Variants in MYRIP observed in about 807,000 individuals in gnomAD.
The protein encoded by MYRIP is rab effector MyRIP.
MYRIP carries 49 observed loss-of-function variants against 98.0 expected under a neutral mutation model. The ratio of observed to expected loss-of-function variants is 0.50; its 90% CI spans 0.40 to 0.63. MYRIP has a LOEUF of 0.63. Ranked by LOEUF, MYRIP falls within the 30% of genes least tolerant of loss-of-function variation. The pLI, the probability that MYRIP is intolerant of heterozygous loss-of-function variation, is 0.00. For missense variants in MYRIP, 1,004 were observed against 1,058.2 expected, an observed-to-expected ratio of 0.95 and a Z score of 0.71; for synonymous variants, 404 against 409.5, an observed-to-expected ratio of 0.99 and a Z score of 0.16.
chr3:40,134,945 G>A (rs1296672060), intron 3 of MYRIP, among the ~76,000 whole-genome samples: 1 of 152,152 alleles, frequency 6.6e-6, no homozygotes, highest in East Asian at 1.9e-4. Flanking sequence ...AAACAGAGCA[G>A]AAAAACCAGA....
At chr3:40,251,841 A>G (rs909261557) in intron 15 of MYRIP, 40 bp from the exon 16 acceptor site, 25 of 1,386,972 alleles carry the variant, frequency 1.8e-5, no homozygotes, top group Non-Finnish European at 2.4e-5. Context: ...CAATCAGTCC[A>G]TCTTCTGGGT....
chr3:39,849,294 G>T (rs1269045416), intron 1 of MYRIP, among the ~76,000 whole-genome samples: 1 of 152,206 alleles, frequency 6.6e-6, no homozygotes, highest in East Asian at 1.9e-4. Context: ...TTCCCAGGAT[G>T]CTTTGGGTAG....
intron 2 of MYRIP, among the ~76,000 whole-genome samples, chr3:40,029,744 G>A (rs972175987): frequency 2.6e-5 from 4 of 151,994 alleles, no homozygotes; most frequent in African/African-American, 9.7e-5. Flanking sequence ...CAACACACCA[G>A]TAAAGGACAA....
intron 7 of MYRIP, among the ~76,000 whole-genome samples, chr3:40,169,746 T>G (rs1434088356): frequency 6.6e-6 from 1 of 152,218 alleles, no homozygotes; most frequent in Non-Finnish European, 1.5e-5. Context: ...ATAAAAGGAT[T>G]ATTTGTAAAC....
intron 2 of MYRIP, among the ~76,000 whole-genome samples, chr3:39,967,553 G>T (rs1192148806): frequency 6.6e-6 from 1 of 152,124 alleles, no homozygotes; most frequent in Non-Finnish European, 1.5e-5. Context: ...ATATTTGCAT[G>T]TATGTCTTTA....
intron 2 of MYRIP, among the ~76,000 whole-genome samples, chr3:39,951,523 A>G (rs1945015359): frequency 6.6e-6 from 1 of 152,188 alleles, no homozygotes; most frequent in Non-Finnish European, 1.5e-5. Context: ...GGAAGTACTC[A>G]ACTTTGTAGT....
intron 5 of MYRIP, among the ~76,000 whole-genome samples, chr3:40,164,006 A>G (rs1950452321): frequency 6.6e-6 from 1 of 151,798 alleles, no homozygotes; most frequent in South Asian, 2.1e-4. Context: ...CCTTGATCTC[A>G]TCCCAGAGTT....
chr3:40,186,739 T>G (rs1278485646), intron 9 of MYRIP, among the ~76,000 whole-genome samples: 4 of 152,122 alleles, frequency 2.6e-5, no homozygotes, highest in African/African-American at 9.7e-5. Context: ...AGGGCCAAGG[T>G]TTGGGGTGGG....
chr3:40,254,799 G>A (rs1168644437), intron 16 of MYRIP, among the ~76,000 whole-genome samples: 1 of 152,112 alleles, frequency 6.6e-6, no homozygotes, highest in Non-Finnish European at 1.5e-5. Context: ...AATGCTTGAT[G>A]CTGCTTACAT....
At chr3:40,220,905 C>A (rs1039283483) in intron 11 of MYRIP, among the ~76,000 whole-genome samples, 2 of 151,854 alleles carry the variant, frequency 1.3e-5, no homozygotes, top group South Asian at 4.2e-4. Flanking sequence ...TCTGCCCCCA[C>A]GATCCAATCA....
At chr3:39,859,670 T>A (rs1273770546) in intron 1 of MYRIP, among the ~76,000 whole-genome samples, 1 of 152,228 alleles carries the variant, frequency 6.6e-6, no homozygotes, top group Non-Finnish European at 1.5e-5. Flanking sequence ...ACACTATGGT[T>A]AAGCATGTCA....
At chr3:40,087,153 T>G (rs1208275821) in intron 3 of MYRIP, among the ~76,000 whole-genome samples, 1 of 151,892 alleles carries the variant, frequency 6.6e-6, no homozygotes, top group East Asian at 1.9e-4. Context: ...AGCAACCCAG[T>G]GTGGCTATCA....
intron 2 of MYRIP, among the ~76,000 whole-genome samples, chr3:39,940,903 G>T (rs1015410983): frequency 6.6e-6 from 1 of 152,138 alleles, no homozygotes. Context: ...AATAACCACT[G>T]TAAAACATTG....
chr3:39,855,702 A>G (rs1230857126), intron 1 of MYRIP, among the ~76,000 whole-genome samples: 1 of 152,046 alleles, frequency 6.6e-6, no homozygotes, highest in Non-Finnish European at 1.5e-5. Flanking sequence ...CCCCACTCAG[A>G]CCTTGTCCCG....
rs370758160 is a variant in MYRIP at position 40,149,600 on chromosome 3, G to T, written c.333-1448G>T. On this transcript the variant is annotated intron_variant, in intron 3 of 16. Coordinates refer to ENST00000302541, the MANE Select transcript of MYRIP (RefSeq NM_015460.4). ...AGACCAATTGCTCATTTGTTAGGGT[G>T]TAGGGATGGGGGACCAAGAGGCCTC... Among the ~76,000 whole-genome samples the T allele has an allele frequency of 1.4e-4, 21 of 152,264 alleles. 1 individual carries two copies. The highest frequency in any genetic ancestry group is 1.2e-3 in the Admixed American group (19 of 15,290).
chr3:40,092,287 G>T lies in MYRIP; in HGVS notation c.332+48016G>T, dbSNP rs564444135. On this transcript the variant is annotated intron_variant, in intron 3 of 16. Coordinates refer to ENST00000302541, the MANE Select transcript of MYRIP (RefSeq NM_015460.4). ...ATCAGCACCCTAAAGCCCCCAAGAT[G>T]TCTTCCTGGCTGTTTTGCATGCTTC... is the stretch of plus-strand genomic sequence containing the variant. Among the ~76,000 whole-genome samples the T allele has an allele frequency of 2.2e-4, 34 of 152,268 alleles. No individual in the cohort carries two copies. The South Asian group carries it at 5.6e-3, about 25-fold the overall frequency.
intron 1 of MYRIP, among the ~76,000 whole-genome samples, chr3:39,830,046 C>A (rs1941394059): frequency 6.6e-6 from 1 of 152,130 alleles, no homozygotes; most frequent in African/African-American, 2.4e-5. Flanking sequence ...CTCTGACAAC[C>A]AATCTTCAAT....
At chr3:40,247,246 T>A (rs189211057) in intron 13 of MYRIP, among the ~76,000 whole-genome samples, 148 of 152,312 alleles carry the variant, frequency 9.7e-4, no homozygotes, top group Middle Eastern at 3.4e-3. Flanking sequence ...AAATGTCCAT[T>A]TTCCATGTGT....
intron 12 of MYRIP, among the ~76,000 whole-genome samples, chr3:40,240,064 C>T (rs574395919): frequency 7.4e-6 from 1 of 134,904 alleles, no homozygotes; most frequent in Non-Finnish European, 1.6e-5. Context: ...GTCTTTAATC[C>T]ATCTTGAATT....
Sources: gnomAD v4.1 joint callset for allele counts (sites outside exome capture counted in the v4.1 genomes callset) on GRCh38, gnomAD v4.1.1 for gene constraint, MANE v1.5 for transcripts, NCBI Gene and HGNC (gene_info 2026-07-23, HGNC 2026-07-21) for gene names.